The following ICE2 variants were observed in gnomAD, a reference collection of about 807,000 sequenced individuals.
ICE2 encodes interactor of little elongation complex ELL subunit 2.
ICE2 carries 87 observed loss-of-function variants against 105.4 expected under a neutral mutation model. The observed-to-expected ratio is 0.83, with a 90% confidence interval of 0.69 to 0.99. ICE2 has a LOEUF of 0.99. ICE2 is among the 50% of genes least tolerant of loss of function. The pLI, the probability that ICE2 is intolerant of heterozygous loss-of-function variation, is 0.00. For missense variants in ICE2, 1,323 were observed against 1,146.7 expected, an observed-to-expected ratio of 1.15 and a Z score of -2.22; for synonymous variants, 399 against 392.0, an observed-to-expected ratio of 1.02 and a Z score of -0.21.
chr15:60,446,516 C>T (rs2063825723), intron 11 of ICE2, among the ~76,000 whole-genome samples: 1 of 152,204 alleles, frequency 6.6e-6, no homozygotes, highest in Non-Finnish European at 1.5e-5. Context: ...CAGCCTCAGC[C>T]TCCCACGTAG....
intron 12 of ICE2, among the ~76,000 whole-genome samples, chr15:60,437,563 C>T (rs576935407): frequency 3.3e-5 from 5 of 151,986 alleles, no homozygotes; most frequent in African/African-American, 9.6e-5. Flanking sequence ...GAACTCCTGA[C>T]GTCAGGTGAT....
In ICE2 at chr15:60,456,902, G is replaced by A. The variant is rs918022995; in HGVS notation, c.529-108C>T. 11 of 515,012 alleles carry A rather than the reference G, an allele frequency of 2.1e-5. 1 individual carries two copies. The highest frequency in any genetic ancestry group is 6.0e-5 in the African/African-American group (3 of 50,066). The allele number at this position is 515,012 out of a possible 1,614,324, so 31.9% of individuals were successfully genotyped here. On this transcript the variant is annotated intron_variant, in intron 5 of 15. Coordinates refer to ENST00000261520, the MANE Select transcript of ICE2 (RefSeq NM_024611.6). ...AATTATTCATTGCAAAAATTAGCCC[G>A]ATTTCATTAATCAAGCTACTAATAC...
chr15:60,447,345 TA>T (rs2063844364), intron 11 of ICE2: 1 of 152,218 alleles, frequency 6.6e-6, no homozygotes, highest in African/African-American at 2.4e-5. Context: ...TATGCCAATC[TA>T]GATGTAATCT....
In ICE2 at chr15:60,449,699, G is replaced by C. The variant is rs1330633285; in HGVS notation, c.1268C>G (p.Ser423Cys). 1 of 1,614,140 alleles carries C rather than the reference G, an allele frequency of 6.2e-7. No homozygotes were observed. Among genetic ancestry groups the C allele is most frequent in the Non-Finnish European group, 8.5e-7 (1 of 1,180,032 alleles). ...VSKSPSPAST[S>C]TVPNMTDAPT... ...AGCATCTGTCATGTTAGGTACTGTG[G>C]AAGTACTTGCTGGACTTGGTGATTT... is the stretch of plus-strand genomic sequence containing the variant. The change falls in exon 10 of 16, where the codon TCC becomes TGC. Residue 423 changes from serine to cysteine, a missense_variant. By Grantham distance (112) the Ser-to-Cys change is moderately radical. Transcript: ENST00000261520.
chr15:60,455,225 C>A, intron 7 of ICE2, 63 bp from the exon 8 acceptor site: 1 of 1,525,222 alleles, frequency 6.6e-7, no homozygotes, highest in Non-Finnish European at 8.9e-7. Flanking sequence ...CAATAAAGAA[C>A]AAAAAAAGTC....
chr15:60,470,640 T>C (rs1302831476), intron 3 of ICE2, among the ~76,000 whole-genome samples: 1 of 152,226 alleles, frequency 6.6e-6, no homozygotes, highest in African/African-American at 2.4e-5. Context: ...CAGTACATTT[T>C]ATTTTTCCTA....
At chr15:60,435,147 G>A (rs552987227) in intron 13 of ICE2, among the ~76,000 whole-genome samples, 1 of 152,192 alleles carries the variant, frequency 6.6e-6, no homozygotes, top group South Asian at 2.1e-4. Context: ...TGGGTGTGGT[G>A]GCGGGCACCT....
At chr15:60,476,639 C>T (rs2064770708) in intron 2 of ICE2, among the ~76,000 whole-genome samples, 2 of 152,178 alleles carry the variant, frequency 1.3e-5, no homozygotes, top group South Asian at 4.1e-4. Flanking sequence ...ATTTTGTTTA[C>T]TTTGGCAAAT....
chr15:60,425,631 T>C (rs1294385893), intron 15 of ICE2, among the ~76,000 whole-genome samples: 1 of 152,256 alleles, frequency 6.6e-6, no homozygotes, highest in Admixed American at 6.5e-5. Context: ...AAAGGCACTA[T>C]ACAAGGATGA....
intron 5 of ICE2, among the ~76,000 whole-genome samples, chr15:60,459,046 A>G (rs756417393): frequency 5.9e-4 from 90 of 152,208 alleles, no homozygotes; most frequent in Non-Finnish European, 1.0e-3. Flanking sequence ...TGATACCTGC[A>G]TAACAATGTA....
intron 1 of ICE2, among the ~76,000 whole-genome samples, chr15:60,478,393 T>C (rs1261037482): frequency 1.3e-5 from 2 of 152,218 alleles, no homozygotes; most frequent in African/African-American, 4.8e-5. Context: ...TCCATTCCCT[T>C]ACTGCCAAAA....
chr15:60,426,375 T>G (rs1282672569), intron 15 of ICE2, among the ~76,000 whole-genome samples: 1 of 152,210 alleles, frequency 6.6e-6, no homozygotes, highest in African/African-American at 2.4e-5. Flanking sequence ...GTCTGTAGAC[T>G]ACCTAACAGC....
At chr15:60,470,005 AT>A (rs2064544330) in intron 3 of ICE2, among the ~76,000 whole-genome samples, 3 of 152,200 alleles carry the variant, frequency 2.0e-5, no homozygotes, top group African/African-American at 7.2e-5. Context: ...AACTGTTCCT[AT>A]AACCTGGCTC....
intron 15 of ICE2, among the ~76,000 whole-genome samples, chr15:60,425,244 A>C (rs1248027683): frequency 2.0e-5 from 3 of 152,198 alleles, no homozygotes; most frequent in Non-Finnish European, 4.4e-5. Flanking sequence ...GTCTGTGTGA[A>C]TCTGATGAAA....
rs1174903063 is a variant in ICE2, at chr15:60,447,965, C to G, written c.2295+5G>C. The G allele has an allele frequency of 3.7e-6, 6 of 1,605,086 alleles. No homozygotes were observed. The highest frequency in any genetic ancestry group is 2.7e-5 in the African/African-American group (2 of 74,506). ...CATATTCTAACTCCGCAAATAACAA[C>G]TTACTCTTCTGATTTTCTTCCGTTT... On this transcript the variant is annotated splice_donor_5th_base_variant and intron_variant, in intron 11 of 15. Transcript: ENST00000261520.
intron 3 of ICE2, among the ~76,000 whole-genome samples, chr15:60,473,890 A>G (rs1376443344): frequency 4.6e-5 from 7 of 152,136 alleles, no homozygotes; most frequent in African/African-American, 1.7e-4. Context: ...CTGCCTCTTT[A>G]AAACGTTTAT....
At chr15:60,434,711 T>A (rs2063544483) in intron 13 of ICE2, among the ~76,000 whole-genome samples, 2 of 152,042 alleles carry the variant, frequency 1.3e-5, no homozygotes, top group Admixed American at 6.5e-5. Context: ...AAAAAGTGGA[T>A]CTCATGGAGC....
intron 12 of ICE2, chr15:60,440,486 G>C (rs1309929449): frequency 6.6e-6 from 1 of 152,136 alleles, no homozygotes; most frequent in African/African-American, 2.4e-5. Context: ...CATGTTTATA[G>C]CAAAGCAGAG....
chr15:60,466,993 A>T (rs1016096670), intron 4 of ICE2, among the ~76,000 whole-genome samples: 1 of 152,052 alleles, frequency 6.6e-6, no homozygotes, highest in African/African-American at 2.4e-5. Context: ...TTTTTTTTTT[A>T]ATTTATTTTT....
Sources: allele counts gnomAD v4.1 joint callset (sites outside exome capture counted in the v4.1 genomes callset), GRCh38; gene constraint gnomAD v4.1.1; transcripts MANE v1.5; gene names NCBI Gene and HGNC (gene_info 2026-07-23, HGNC 2026-07-21).